Variants in ZYG11B observed in about 807,000 individuals in gnomAD.
ZYG11B encodes the protein zyg-11 family member B, cell cycle regulator, also known as protein zyg-11 homolog B.
In ZYG11B, 36 loss-of-function variants were observed where a neutral mutation model predicts 82.4. The ratio of observed to expected loss-of-function variants is 0.44; its 90% CI spans 0.33 to 0.58. ZYG11B has a LOEUF of 0.58. ZYG11B is among the 20% of genes least tolerant of loss of function. The pLI is 0.02. For missense variants in ZYG11B, 552 were observed against 895.6 expected, an observed-to-expected ratio of 0.62 and a Z score of 4.90; for synonymous variants, 303 against 312.8, an observed-to-expected ratio of 0.97 and a Z score of 0.33.
intron 8 of ZYG11B, among the ~76,000 whole-genome samples, chr1:52,797,437 CAT>C (rs540764829): frequency 0.049 from 2,493 of 50,870 alleles, 117 homozygotes; most frequent in African/African-American, 0.12. Context: ...TTATATATAA[CAT>C]ATATATTATA....
At chr1:52,765,658 T>C (rs2149934955) in intron 2 of ZYG11B, among the ~76,000 whole-genome samples, 1 of 152,212 alleles carries the variant, frequency 6.6e-6, no homozygotes, top group South Asian at 2.1e-4. Flanking sequence ...TGTACCACCA[T>C]GCCCGACTAA....
At chr1:52,793,332 A>G (rs1644975244) in intron 6 of ZYG11B, among the ~76,000 whole-genome samples, 1 of 151,880 alleles carries the variant, frequency 6.6e-6, no homozygotes, top group Non-Finnish European at 1.5e-5. Context: ...AACATGGTGA[A>G]ACGCTGTCTC....
At chr1:52,761,966 T>G (rs1156434916) in intron 2 of ZYG11B, among the ~76,000 whole-genome samples, 1 of 152,252 alleles carries the variant, frequency 6.6e-6, no homozygotes, top group Non-Finnish European at 1.5e-5. Flanking sequence ...GTATGTCTTC[T>G]TTTGAGAAAT....
intron 8 of ZYG11B, among the ~76,000 whole-genome samples, chr1:52,797,275 AATATTTATATTATAT>A (rs1460704291): frequency 2.3e-5 from 2 of 85,268 alleles, no homozygotes; most frequent in Admixed American, 4.3e-4. Flanking sequence ...TTATATATAA[AATATTTATATTATAT>A]ATAAAATATA....
At chr1:52,743,781 G>T (rs1644453955) in intron 1 of ZYG11B, among the ~76,000 whole-genome samples, 1 of 152,074 alleles carries the variant, frequency 6.6e-6, no homozygotes, top group African/African-American at 2.4e-5. Context: ...ACAATAGTGT[G>T]CAGTAATGTC....
chr1:52,779,968 A>G lies in ZYG11B; in HGVS notation c.1067A>G (p.Glu356Gly). 6.2e-7 allele frequency: 1 copy of G among 1,613,832 alleles called. No individual in the cohort carries two copies. Residue 356 changes from glutamate to glycine, a missense_variant, in exon 4 of 14, where the codon GAA becomes GGA. Coordinates refer to ENST00000294353, the MANE Select transcript of ZYG11B (RefSeq NM_024646.3). The stretch of plus-strand genomic sequence containing the variant: ...CTTTTTAGTCTGACTCATGTGATGG[A>G]AAAAACAAAGCCAGAAATTTTAAAG... ...FHLFSLTHVM[E>G]KTKPEILKLV...
chr1:52,765,088 T>C (rs1270672742), intron 2 of ZYG11B, among the ~76,000 whole-genome samples: 3 of 152,026 alleles, frequency 2.0e-5, no homozygotes, highest in Non-Finnish European at 2.9e-5. Context: ...AGTCGCACTA[T>C]GTTGGCCAGG....
At chr1:52,795,996 G>C (rs747244852) in intron 6 of ZYG11B, among the ~76,000 whole-genome samples, 4 of 152,136 alleles carry the variant, frequency 2.6e-5, no homozygotes, top group Non-Finnish European at 4.4e-5. Flanking sequence ...CTATAATATG[G>C]AAATCACTAT....
chr1:52,791,557 TG>T lies in ZYG11B; in HGVS notation c.1334+1494del, dbSNP rs1571782060. Among the ~76,000 whole-genome samples the T allele has an allele frequency of 2.0e-5, 3 of 150,590 alleles. No homozygotes were observed. The East Asian group carries it at 6.0e-4, about 30-fold the overall frequency. On this transcript the variant is annotated intron_variant, in intron 6 of 13. Coordinates refer to ENST00000294353, the MANE Select transcript of ZYG11B (RefSeq NM_024646.3). ...CTAATTTTTGTATTTTTAGTAGAGATGGGGTTTCACCATGTTGGCCAGGCTG... is the reference window on the plus strand; with the variant it reads ...CTAATTTTTGTATTTTTAGTAGAGATGGGTTTCACCATGTTGGCCAGGCTG...
At chr1:52,817,831 T>TTG (rs1645248758) in intron 13 of ZYG11B, among the ~76,000 whole-genome samples, 1 of 20,228 alleles carries the variant, frequency 4.9e-5, no homozygotes, top group African/African-American at 1.7e-4. Context: ...TTTTTTTTTT[T>TTG]TTTTTTTTTT....
intron 3 of ZYG11B, 115 bp from the exon 4 acceptor site, chr1:52,779,738 C>G: frequency 7.7e-7 from 1 of 1,301,886 alleles, no homozygotes; most frequent in Non-Finnish European, 1.1e-6. Flanking sequence ...GATCCACCCA[C>G]CTTGGCCTCC....
In ZYG11B at chr1:52,823,325, GGT is replaced by G. The variant is rs1645296941; in HGVS notation, c.*1700_*1701del. On this transcript the variant is annotated 3_prime_UTR_variant, in exon 14 of 14. Transcript: ENST00000294353. ...AAATTTTTTTTTTTTAAATTAGCTG[GGT>G]GTGGTGGCACCTGGGAAACAGAGCG... The G allele has an allele frequency of 6.6e-6, 1 of 151,590 alleles. No homozygotes were observed. The highest frequency in any genetic ancestry group is 2.4e-5 in the African/African-American group (1 of 41,248). 9.4% of individuals were successfully genotyped at this position (151,590 alleles called of 1,614,324 possible). A position where few individuals can be genotyped will look rare whatever the true frequency, so the allele number is the denominator to read the frequency against.
intron 4 of ZYG11B, among the ~76,000 whole-genome samples, chr1:52,783,903 T>TGTATGTAC (rs1491544338): frequency 2.1e-5 from 1 of 47,078 alleles, no homozygotes; most frequent in Non-Finnish European, 3.4e-5. Flanking sequence ...CACGTGTGTG[T>TGTATGTAC]ATATACATCT....
At chr1:52,748,348 A>G (rs1400153087) in intron 1 of ZYG11B, among the ~76,000 whole-genome samples, 2 of 151,984 alleles carry the variant, frequency 1.3e-5, no homozygotes, top group Non-Finnish European at 2.9e-5. Flanking sequence ...ATGTAAATTA[A>G]TCTTTCTGAG....
intron 1 of ZYG11B, among the ~76,000 whole-genome samples, chr1:52,743,072 G>T (rs1462205870): frequency 6.6e-6 from 1 of 152,040 alleles, no homozygotes; most frequent in Non-Finnish European, 1.5e-5. Context: ...ACAGCTCATT[G>T]TGAACGGGCC....
chr1:52,816,000 A>G (rs1158508456), intron 12 of ZYG11B, among the ~76,000 whole-genome samples: 1 of 152,210 alleles, frequency 6.6e-6, no homozygotes, highest in Non-Finnish European at 1.5e-5. Flanking sequence ...CTCTGTTTGT[A>G]ATTAGATAAC....
intron 10 of ZYG11B, among the ~76,000 whole-genome samples, chr1:52,803,175 T>C (rs771478975): frequency 0.017 from 699 of 41,048 alleles, 51 homozygotes; most frequent in African/African-American, 0.044. Context: ...TATACACACA[T>C]ATATATATAT....
intron 13 of ZYG11B, among the ~76,000 whole-genome samples, 176 bp from the exon 14 acceptor site, chr1:52,821,263 C>T (rs937883672): frequency 1.3e-5 from 2 of 151,768 alleles, no homozygotes; most frequent in African/African-American, 2.4e-5. Context: ...AGGCCTTGCA[C>T]TGTAGACGTA....
chr1:52,776,362 C>T (rs1030362222), intron 3 of ZYG11B, among the ~76,000 whole-genome samples: 1 of 147,668 alleles, frequency 6.8e-6, no homozygotes, highest in Non-Finnish European at 1.5e-5. Context: ...GAAACCTTGC[C>T]TCTACTAAAA....
Sources: allele counts gnomAD v4.1 joint callset (sites outside exome capture counted in the v4.1 genomes callset), GRCh38; gene constraint gnomAD v4.1.1; transcripts MANE v1.5; gene names NCBI Gene and HGNC (gene_info 2026-07-23, HGNC 2026-07-21).